Variants in SGIP1 observed in about 807,000 individuals in gnomAD.
SGIP1 encodes SH3-containing GRB2-like protein 3-interacting protein 1.
A neutral mutation model predicts 107.5 loss-of-function variants in SGIP1; 38 were observed. The ratio of observed to expected loss-of-function variants is 0.35; its 90% CI spans 0.27 to 0.46. The LOEUF (loss-of-function observed/expected upper bound fraction) is 0.46, where lower values mean the gene tolerates loss of function less well. Ranked by LOEUF, SGIP1 falls within the 20% of genes least tolerant of loss-of-function variation. SGIP1 has a pLI of 1.00. For synonymous variants in SGIP1, 365 were observed against 366.1 expected (o/e 1.00, Z 0.03); for missense variants, 929 against 1,019.5 (o/e 0.91, Z 1.21).
chr1:66,634,176 T>C (rs1291256253), intron 3 of SGIP1: 1 of 1,604,598 alleles, frequency 6.2e-7, no homozygotes, highest in East Asian at 2.2e-5. Flanking sequence ...ACTCTCTGCT[T>C]CTGTGTCTCT....
intron 8 of SGIP1, among the ~76,000 whole-genome samples, chr1:66,660,800 T>C (rs2081313656): frequency 1.3e-5 from 2 of 152,200 alleles, no homozygotes; most frequent in African/African-American, 4.8e-5. Flanking sequence ...TCAAATATTT[T>C]TGGTACTAAG....
chr1:66,570,526 AACTATTTGATCTTTGTT>A (rs943140999), intron 1 of SGIP1, among the ~76,000 whole-genome samples: 4 of 151,906 alleles, frequency 2.6e-5, no homozygotes, highest in Admixed American at 1.3e-4. Flanking sequence ...TCCTCTTCCC[AACTATTTGATCTTTGTT>A]AATAGTGTGA....
At chr1:66,534,518 A>G (rs2053100604) in intron 1 of SGIP1, 150 bp downstream of exon 1, 1 of 862,706 alleles carries the variant, frequency 1.2e-6, no homozygotes, top group East Asian at 2.5e-5. Context: ...CTTGCAGTGG[A>G]TCTGGGCTCA....
At chr1:66,693,256 T>TAAATAAATA (rs536649582) in intron 17 of SGIP1, among the ~76,000 whole-genome samples, 1 of 142,622 alleles carries the variant, frequency 7.0e-6, no homozygotes, top group African/African-American at 2.7e-5. Context: ...TTTTTAAAAA[T>TAAATAAATA]AATAAATAAA....
chr1:66,675,337 C>T (rs554486338), intron 12 of SGIP1, among the ~76,000 whole-genome samples: 1 of 152,128 alleles, frequency 6.6e-6, no homozygotes, highest in South Asian at 2.1e-4. Context: ...AGATACACAC[C>T]CAGACCTGTC....
At chr1:66,569,906 A>G (rs2060149542) in intron 1 of SGIP1, among the ~76,000 whole-genome samples, 1 of 151,888 alleles carries the variant, frequency 6.6e-6, no homozygotes, top group African/African-American at 2.4e-5. Context: ...TATAATAGAT[A>G]TAGACTTATT....
intron 1 of SGIP1, among the ~76,000 whole-genome samples, chr1:66,596,048 A>G (rs2064602970): frequency 6.6e-6 from 1 of 152,240 alleles, no homozygotes; most frequent in Admixed American, 6.5e-5. Flanking sequence ...CATTTAAAAT[A>G]CAAACCTACA....
intron 18 of SGIP1, among the ~76,000 whole-genome samples, chr1:66,703,522 T>C (rs2092187358): frequency 6.7e-6 from 1 of 150,354 alleles, no homozygotes; most frequent in South Asian, 2.1e-4. Flanking sequence ...TACATACATA[T>C]GCACACACAC....
At chr1:66,534,103 G>T (rs1489397954), upstream of SGIP1, 2 of 576,436 alleles carry the variant, frequency 3.5e-6, no homozygotes, top group East Asian at 2.9e-5. Flanking sequence ...CCGAGGCAGC[G>T]CAGGCGGTGC....
At chr1:66,585,116 G>T (rs1429749048) in intron 1 of SGIP1, among the ~76,000 whole-genome samples, 1 of 152,156 alleles carries the variant, frequency 6.6e-6, no homozygotes, top group Admixed American at 6.5e-5. Context: ...TCTATCTCCT[G>T]CTCTGTGCCT....
At chr1:66,741,729 T>C (rs980540446) in intron 24 of SGIP1, among the ~76,000 whole-genome samples, 5 of 152,114 alleles carry the variant, frequency 3.3e-5, no homozygotes, top group African/African-American at 1.2e-4. Flanking sequence ...TTTTATTATA[T>C]TGACGAACAA....
intron 3 of SGIP1, 79 bp from the exon 4 acceptor site, chr1:66,635,865 A>G (rs2075675583): frequency 2.1e-6 from 3 of 1,416,296 alleles, no homozygotes; most frequent in East Asian, 2.3e-5. Flanking sequence ...TGCTGACTCC[A>G]TGTAATTCTT....
At chr1:66,553,531 C>T (rs1315544663) in intron 1 of SGIP1, among the ~76,000 whole-genome samples, 1 of 151,874 alleles carries the variant, frequency 6.6e-6, no homozygotes, top group African/African-American at 2.4e-5. Flanking sequence ...CAAAAATTAG[C>T]TGGGTGTGGT....
intron 18 of SGIP1, among the ~76,000 whole-genome samples, chr1:66,714,790 T>C (rs2093134339): frequency 6.6e-6 from 1 of 152,124 alleles, no homozygotes; most frequent in South Asian, 2.1e-4. Flanking sequence ...CCTTGAACTC[T>C]GGTCTCCAGA....
chr1:66,679,637 A>G (rs758142135), intron 13 of SGIP1, 41 bp from the exon 14 acceptor site: 2 of 1,581,616 alleles, frequency 1.3e-6, no homozygotes, highest in Admixed American at 1.9e-5. Context: ...TGACTTAGGA[A>G]GCACATGACC....
At chr1:66,589,591 G>T (rs1433720328) in intron 1 of SGIP1, among the ~76,000 whole-genome samples, 1 of 151,958 alleles carries the variant, frequency 6.6e-6, no homozygotes, top group Non-Finnish European at 1.5e-5. Context: ...AATGCCTGTG[G>T]TAAAAACCCA....
chr1:66,589,041 G>A (rs2063132162), intron 1 of SGIP1, among the ~76,000 whole-genome samples: 1 of 150,232 alleles, frequency 6.7e-6, no homozygotes, highest in South Asian at 2.1e-4. Context: ...TAAAACATGG[G>A]CCTGTTTTAA....
intron 2 of SGIP1, among the ~76,000 whole-genome samples, chr1:66,628,163 T>C (rs2073386740): frequency 6.6e-6 from 1 of 152,152 alleles, no homozygotes. Flanking sequence ...GACATTTGGG[T>C]TGATTCCAAG....
In SGIP1 at chr1:66,534,231, C is replaced by A; in HGVS notation, c.-128C>A. On this transcript the variant is annotated 5_prime_UTR_variant, in exon 1 of 25. Transcript: ENST00000371037. The stretch of plus-strand genomic sequence containing the variant: ...TGTCTTTTGGCTTAACACTTATCTC[C>A]TTTGGCTTTGACAGCGGACGGAATA... The A allele has an allele frequency of 1.0e-6, 1 of 975,890 alleles. No individual in the cohort carries two copies. The allele number at this position is 975,890 out of a possible 1,614,324, so 60.5% of individuals were successfully genotyped here.
Sources: gnomAD v4.1 joint callset for allele counts (sites outside exome capture counted in the v4.1 genomes callset) on GRCh38, gnomAD v4.1.1 for gene constraint, MANE v1.5 for transcripts, NCBI Gene and HGNC (gene_info 2026-07-23, HGNC 2026-07-21) for gene names.